Variants in PTGES2 observed in about 807,000 individuals in gnomAD.
The protein encoded by PTGES2 is GATE-binding factor 1.
PTGES2 carries 35 observed loss-of-function variants against 44.5 expected under a neutral mutation model. The observed-to-expected ratio is 0.79, with a 90% CI of 0.60 to 1.04. PTGES2 has a LOEUF of 1.04. PTGES2 is among the 50% of genes least tolerant of loss of function. The probability of loss-of-function intolerance (pLI) is 0.00; values close to 1 mark genes in which losing one functional copy is unlikely to be tolerated. For synonymous variants in PTGES2, 221 were observed against 227.5 expected, an observed-to-expected ratio of 0.97 and a Z score of 0.26; for missense variants, 517 against 521.4, an observed-to-expected ratio of 0.99 and a Z score of 0.08.
chr9:128,127,065 G>A (rs1247125074), intron 1 of PTGES2, among the ~76,000 whole-genome samples: 2 of 151,552 alleles, frequency 1.3e-5, no homozygotes, highest in Non-Finnish European at 2.9e-5. Context: ...TATAGTCCCA[G>A]CTACTCGGGA....
Position 128,123,874 on chromosome 9 carries a change from A to G in PTGES2, c.537-23T>C. ...TGCCTTCGGAGAGAGCCACAATATC[A>G]CCCCAACTCCTTCCCCCTCCGTCCC... On this transcript the variant is annotated intron_variant, in intron 3 of 6. Coordinates refer to ENST00000338961, the MANE Select transcript of PTGES2 (RefSeq NM_025072.7). The surrounding 1 kb of genome is among the most constrained non-coding windows in gnomAD (Gnocchi z 4.4). 2 of 1,605,548 alleles carry G rather than the reference A, an allele frequency of 1.2e-6. No individual in the cohort carries two copies. The highest frequency in any genetic ancestry group is 1.7e-6 in the Non-Finnish European group (2 of 1,173,788).
intron 1 of PTGES2, among the ~76,000 whole-genome samples, chr9:128,126,223 T>C (rs2130856263): frequency 6.6e-6 from 1 of 152,342 alleles, no homozygotes; most frequent in East Asian, 1.9e-4. Flanking sequence ...ATGCCCTTTT[T>C]ACCCACCTCT....
chr9:128,124,145 C>T (rs957960848), intron 3 of PTGES2, among the ~76,000 whole-genome samples: 1 of 151,780 alleles, frequency 6.6e-6, no homozygotes, highest in Admixed American at 6.6e-5. Flanking sequence ...TGCAGTGGCA[C>T]GATCTTGGCT....
At chr9:128,127,417 C>T (rs1223267305) in intron 1 of PTGES2, 22 bp downstream of exon 1, 3 of 1,341,244 alleles carry the variant, frequency 2.2e-6, no homozygotes, top group Non-Finnish European at 2.9e-6. Flanking sequence ...GCATCCCCAT[C>T]CCCGGCCGGG....
At chr9:128,122,873 C>G in intron 5 of PTGES2, 61 bp downstream of exon 5, 3 of 1,568,910 alleles carry the variant, frequency 1.9e-6, no homozygotes, top group Non-Finnish European at 2.6e-6. Flanking sequence ...GATGGGATCA[C>G]CACTGCTCGT....
chr9:128,124,613 C>T (rs1834549379), intron 2 of PTGES2, 63 bp from the exon 3 acceptor site: 2 of 1,529,190 alleles, frequency 1.3e-6, no homozygotes, highest in Non-Finnish European at 1.8e-6. Flanking sequence ...TCACCAGGGG[C>T]TCTTTAACAA....
At position 128,127,428 on chromosome 9, in the gene PTGES2, C is replaced by G; in HGVS notation, c.279+11G>C. On this transcript the variant is annotated intron_variant, in intron 1 of 6. Coordinates refer to ENST00000338961, the MANE Select transcript of PTGES2 (RefSeq NM_025072.7). ...ATCAGCATCCCCATCCCCGGCCGGGCCAGGCCTTACCTGCGCGGCTGAGCG... is the reference window on the plus strand; with the variant it reads ...ATCAGCATCCCCATCCCCGGCCGGGGCAGGCCTTACCTGCGCGGCTGAGCG... The G allele has an allele frequency of 1.5e-6, 2 of 1,353,004 alleles. No individual in the cohort carries two copies. Among genetic ancestry groups the G allele is most frequent in the Non-Finnish European group, 1.9e-6 (2 of 1,050,492 alleles). 83.8% of individuals were successfully genotyped at this position (1,353,004 alleles called of 1,614,324 possible).
At chr9:128,124,870 C>T (rs1488966477) in intron 2 of PTGES2, 6 of 1,245,688 alleles carry the variant, frequency 4.8e-6, no homozygotes, top group Non-Finnish European at 6.1e-6. Flanking sequence ...TATCTGCCGT[C>T]CCTGCAAGCC....
rs1834386042 is a variant in PTGES2, at chr9:128,120,992, CCT to C, written c.*151_*152del. The C allele has an allele frequency of 1.9e-5, 19 of 986,234 alleles. No individual in the cohort carries two copies. The South Asian group carries it at 2.4e-4, about 12-fold the overall frequency. 61.1% of individuals were successfully genotyped at this position (986,234 alleles called of 1,614,324 possible). ...AACATCCCTGAGCCCCAGCAGGTGC[CCT>C]GTGTTAGAAGCGAGAGGGCTGGTGG... is the stretch of plus-strand genomic sequence containing the variant. On this transcript the variant is annotated 3_prime_UTR_variant, in exon 7 of 7. Coordinates refer to ENST00000338961, the MANE Select transcript of PTGES2 (RefSeq NM_025072.7).
At chr9:128,128,144 C>T, upstream of PTGES2, 1 of 344,746 alleles carries the variant, frequency 2.9e-6, no homozygotes, top group South Asian at 2.1e-5. Flanking sequence ...CCACTGAAAG[C>T]CCCGGAAACG....
rs1278539309 is a variant in PTGES2, at chr9:128,127,563, C to A, written c.155G>T (p.Arg52Leu). ...AGGPSPVAAARKGSPRLLGAA... is the reference protein window; with the variant it reads ...AGGPSPVAAALKGSPRLLGAA... ...TCCCAGCAGCCGCGGGCTCCCCTTA[C>A]GAGCTGCAGCCACGGGGCTCGGGCC... The change falls in exon 1 of 7, where the codon CGT becomes CTT. Residue 52 changes from arginine to leucine, a missense_variant. Physicochemically the swap from Arg to Leu is moderately radical, Grantham distance 102. Coordinates refer to ENST00000338961, the MANE Select transcript of PTGES2 (RefSeq NM_025072.7). The A allele has an allele frequency of 3.9e-6, 5 of 1,282,944 alleles. No homozygotes were observed. The South Asian group carries it at 9.9e-5, about 25-fold the overall frequency. 79.5% of individuals were successfully genotyped at this position (1,282,944 alleles called of 1,614,324 possible).
intron 6 of PTGES2, 33 bp downstream of exon 6, chr9:128,122,329 G>C: frequency 6.4e-7 from 1 of 1,552,840 alleles, no homozygotes; most frequent in South Asian, 1.1e-5. Flanking sequence ...CAGAACCCTC[G>C]GTCCAGGCAC....
In PTGES2 at chr9:128,123,895, G is replaced by A. The variant is rs569442832; in HGVS notation, c.537-44C>T. The A allele has an allele frequency of 4.8e-5, 77 of 1,592,970 alleles. No homozygotes were observed. Among genetic ancestry groups the A allele is most frequent in the South Asian group, 3.6e-4 (32 of 90,018 alleles). ...TATCACCCCAACTCCTTCCCCCTCCGTCCCCTGTGGCCGACCAACCCCGCT... is the reference window on the plus strand; with the variant it reads ...TATCACCCCAACTCCTTCCCCCTCCATCCCCTGTGGCCGACCAACCCCGCT... On this transcript the variant is annotated intron_variant, in intron 3 of 6. Transcript: ENST00000338961. This position sits in a 1 kb window ranked among gnomAD's most constrained non-coding sequence, Gnocchi z 4.4.
At chr9:128,126,846 CA>C (rs985533766) in intron 1 of PTGES2, among the ~76,000 whole-genome samples, 76 of 108,696 alleles carry the variant, frequency 7.0e-4, no homozygotes, top group Non-Finnish European at 8.6e-4. Context: ...GGCAACAGAG[CA>C]AAAAAAAACT....
intron 6 of PTGES2, 108 bp from the exon 7 acceptor site, chr9:128,121,381 G>C: frequency 7.1e-6 from 10 of 1,401,242 alleles, no homozygotes; most frequent in Non-Finnish European, 9.6e-6. Context: ...CCCCCTTGGA[G>C]CTCGTGACCC....
upstream of PTGES2, chr9:128,128,344 G>C (rs1405595312): frequency 2.2e-6 from 1 of 456,188 alleles, no homozygotes; most frequent in African/African-American, 2.0e-5. Context: ...TGGCAAAGTG[G>C]GGTGCCAGGC....
chr9:128,126,089 G>T (rs1237110828), intron 1 of PTGES2, among the ~76,000 whole-genome samples: 2 of 152,204 alleles, frequency 1.3e-5, no homozygotes, highest in African/African-American at 2.4e-5. Flanking sequence ...GGCAAGCTCC[G>T]CAGGAAAGCC....
At chr9:128,121,921 A>C (rs976835787) in intron 6 of PTGES2, among the ~76,000 whole-genome samples, 2 of 152,030 alleles carry the variant, frequency 1.3e-5, no homozygotes, top group Non-Finnish European at 2.9e-5. Flanking sequence ...TCAAAAAAAA[A>C]ACAAAAACAA....
rs1393171039 is a variant in PTGES2, at chr9:128,123,523, G to C, written c.686+179C>G. On this transcript the variant is annotated intron_variant, in intron 4 of 6. Coordinates refer to ENST00000338961, the MANE Select transcript of PTGES2 (RefSeq NM_025072.7). The surrounding 1 kb of genome is among the most constrained non-coding windows in gnomAD (Gnocchi z 4.4). Reference sequence around the variant, plus strand: ...GGCCTCCCAACAGGCTGGGATTACAGGAGTGAGCCACCACGCCCGGCTGCA... The same window carrying C: ...GGCCTCCCAACAGGCTGGGATTACACGAGTGAGCCACCACGCCCGGCTGCA... Among the ~76,000 whole-genome samples, 1 of 152,160 alleles carries C rather than the reference G, an allele frequency of 6.6e-6. No homozygotes were observed. The highest frequency in any genetic ancestry group is 2.4e-5 in the African/African-American group (1 of 41,430).
Sources: gnomAD v4.1 joint callset for allele counts (sites outside exome capture counted in the v4.1 genomes callset) on GRCh38, gnomAD v4.1.1 for gene constraint, Gnocchi (gnomAD v3.1) non-coding constraint, MANE v1.5 for transcripts, NCBI Gene and HGNC (gene_info 2026-07-23, HGNC 2026-07-21) for gene names.